ABCA5: variants seen among roughly 807,000 people sequenced by gnomAD.
ABCA5 encodes the protein cholesterol transporter ABCA5.
ABCA5 carries 163 observed loss-of-function variants against 206.0 expected under a neutral mutation model. The observed-to-expected ratio is 0.79, with a 90% CI of 0.70 to 0.90. The LOEUF (loss-of-function observed/expected upper bound fraction) is 0.90, where lower values mean the gene tolerates loss of function less well. Ranked by LOEUF, ABCA5 falls within the 40% of genes least tolerant of loss-of-function variation. The pLI is 0.00. For synonymous variants in ABCA5, 609 were observed against 613.8 expected, an observed-to-expected ratio of 0.99 and a Z score of 0.11; for missense variants, 1,859 against 1,912.9, an observed-to-expected ratio of 0.97 and a Z score of 0.53.
At chr17:69,315,142 T>C (rs1428344309) in intron 1 of ABCA5, 2 of 152,146 alleles carry the variant, frequency 1.3e-5, no homozygotes, top group Non-Finnish European at 2.9e-5. Flanking sequence ...AGGAAAGCAC[T>C]CTAAAAAGTT....
chr17:69,319,431 A>G (rs1453172844), intron 1 of ABCA5, among the ~76,000 whole-genome samples: 1 of 152,096 alleles, frequency 6.6e-6, no homozygotes, highest in African/African-American at 2.4e-5. Flanking sequence ...GGCCTTGTCT[A>G]AAAAACCTGC....
intron 2 of ABCA5, among the ~76,000 whole-genome samples, 182 bp from the exon 3 acceptor site, chr17:69,313,478 C>A (rs1241165893): frequency 3.3e-5 from 5 of 152,018 alleles, no homozygotes; most frequent in African/African-American, 1.2e-4. Context: ...TCCAACCCAA[C>A]ATGCATATTA....
chr17:69,270,776 T>G (rs1390209784), intron 21 of ABCA5, 26 bp from the exon 22 acceptor site: 1 of 1,515,868 alleles, frequency 6.6e-7, no homozygotes, highest in East Asian at 2.4e-5. Flanking sequence ...AGACACTTAT[T>G]ACATACTGTA....
At position 69,289,576 on chromosome 17, in the gene ABCA5, C is replaced by T. The variant is rs528466117; in HGVS notation, c.1783-280G>A. Among the ~76,000 whole-genome samples the T allele has an allele frequency of 1.1e-4, 16 of 152,098 alleles. 1 individual carries two copies. The South Asian group carries it at 3.3e-3, about 32-fold the overall frequency. On this transcript the variant is annotated intron_variant, in intron 13 of 38. Transcript: ENST00000392676. ...GTGGTAGGGAAGGAATAAGAGATCA[C>T]TGTGATGGCTCTTAATGTATGTGTG...
At chr17:69,284,905 CTG>C (rs2075433447) in intron 17 of ABCA5, among the ~76,000 whole-genome samples, 1 of 152,138 alleles carries the variant, frequency 6.6e-6, no homozygotes, top group African/African-American at 2.4e-5. Context: ...CCAGAAGACA[CTG>C]TGAAATCCAG....
chr17:69,267,318 A>G lies in ABCA5; in HGVS notation c.3144+625T>C, dbSNP rs77991318. On this transcript the variant is annotated intron_variant, in intron 23 of 38. Coordinates refer to ENST00000392676, the MANE Select transcript of ABCA5 (RefSeq NM_172232.4). ...ATTTTTATTAGAGCAGTAAGATATA[A>G]TCTCAGCAGAGTGAAAAAGTGGGAG... Among the ~76,000 whole-genome samples the G allele has an allele frequency of 1.5e-3, 227 of 152,324 alleles. 1 individual carries two copies. The highest frequency in any genetic ancestry group is 5.0e-3 in the Admixed American group (76 of 15,298).
chr17:69,306,683 C>T (rs752587548), intron 6 of ABCA5, 42 bp downstream of exon 6: 2 of 987,678 alleles, frequency 2.0e-6, no homozygotes, highest in Non-Finnish European at 2.7e-6. Context: ...ATATTTAATA[C>T]AATTTTTAAT....
At chr17:69,252,624 T>A (rs2075028832) in intron 34 of ABCA5, among the ~76,000 whole-genome samples, 3 of 151,990 alleles carry the variant, frequency 2.0e-5, no homozygotes, top group Admixed American at 2.0e-4. Context: ...TCACCTGAGG[T>A]CTGGAGTTCG....
At chr17:69,295,509 G>A (rs2075575867) in intron 10 of ABCA5, among the ~76,000 whole-genome samples, 1 of 152,122 alleles carries the variant, frequency 6.6e-6, no homozygotes, top group Admixed American at 6.5e-5. Context: ...GAACACACAA[G>A]CTCACCATAA....
Position 69,313,234 on chromosome 17 carries a change from AT to A in ABCA5, c.164del (p.Asn55IlefsTer10). The A allele has an allele frequency of 6.6e-7, 1 of 1,520,888 alleles. No homozygotes were observed. Among genetic ancestry groups the A allele is most frequent in the Non-Finnish European group, 9.1e-7 (1 of 1,097,762 alleles). 94.2% of individuals were successfully genotyped at this position (1,520,888 alleles called of 1,614,324 possible). ...TATTAGGCACTTCTTCATATTTCTT[AT>A]TTGGATGCATCATGCTAATTAATAT... is the stretch of plus-strand genomic sequence containing the variant. The part of the protein sequence containing the change: ...WLILISMMHP[N>X]KKYEEVPNIE... On this transcript the variant is annotated frameshift_variant, in exon 3 of 39. Transcript: ENST00000392676. LOFTEE classifies it high-confidence loss of function.
At chr17:69,249,738 C>T (rs1003530596) in intron 37 of ABCA5, 167 bp downstream of exon 37, 37 of 827,118 alleles carry the variant, frequency 4.5e-5, no homozygotes, top group East Asian at 5.8e-5. Context: ...TAAAATAAAC[C>T]GAGTCCCCAG....
chr17:69,286,148 C>T, intron 16 of ABCA5, 73 bp downstream of exon 16: 1 of 1,545,934 alleles, frequency 6.5e-7, no homozygotes, highest in Non-Finnish European at 8.8e-7. Flanking sequence ...AAGCATATAA[C>T]AGCAAGCCTC....
At position 69,297,280 on chromosome 17, in the gene ABCA5, C is replaced by A. The variant is rs138384289; in HGVS notation, c.1347G>T (p.Glu449Asp). 5.0e-6 allele frequency: 8 copies of A among 1,612,968 alleles called. No individual in the cohort carries two copies. The East Asian group carries it at 1.8e-4, about 36-fold the overall frequency. Residue 449 changes from glutamate (E) to aspartate (D), a missense_variant, in exon 10 of 39, where the codon GAG becomes GAT. Glu to Asp is a conservative substitution (Grantham distance 45, BLOSUM62 2). Transcript: ENST00000392676. ...YWSKSKRNYE[E>D]LSEGNVNGNI... ...TTCCATTAACATTGCCCTCTGATAACTCCTCATAATTTCTTTTGCTCTTTG... is the reference window on the plus strand; with the variant it reads ...TTCCATTAACATTGCCCTCTGATAAATCCTCATAATTTCTTTTGCTCTTTG...
In ABCA5 at chr17:69,246,987, G is replaced by A. The variant is rs2074958798; in HGVS notation, c.*550C>T. 1 of 151,952 alleles carries A rather than the reference G, an allele frequency of 6.6e-6. No homozygotes were observed. The highest frequency in any genetic ancestry group is 2.4e-5 in the African/African-American group (1 of 41,412). The allele number at this position is 151,952 out of a possible 1,614,324, so 9.4% of individuals were successfully genotyped here. On this transcript the variant is annotated 3_prime_UTR_variant, in exon 39 of 39. Transcript: ENST00000392676. ...TATGATCAATGACTGCCACCTAGTG[G>A]ATATAACTTTCCTCAAATCTCTATA...
chr17:69,289,075 G>T, intron 14 of ABCA5, 102 bp downstream of exon 14: 1 of 1,139,964 alleles, frequency 8.8e-7, no homozygotes, highest in South Asian at 2.0e-5. Flanking sequence ...AGCATTTTAT[G>T]TACACTTAAC....
Position 69,308,375 on chromosome 17 carries a change from G to C in ABCA5, c.470-7C>G, listed in dbSNP as rs1237586131. The stretch of plus-strand genomic sequence containing the variant: ...CATGATTTTGAACAGCCAGCTATGG[G>C]GGGAAGAATATGAGATCTAAGATTC... On this transcript the variant is annotated splice_polypyrimidine_tract_variant and splice_region_variant and intron_variant, in intron 4 of 38. Transcript: ENST00000392676. 1.2e-6 allele frequency: 2 copies of C among 1,601,058 alleles called. No homozygotes were observed. The highest frequency in any genetic ancestry group is 1.7e-6 in the Non-Finnish European group (2 of 1,169,192).
Position 69,274,128 on chromosome 17 carries a change from C to T in ABCA5, c.2595G>A (p.Val865=), listed in dbSNP as rs768216806. Residue 865 remains valine, a splice_region_variant and synonymous_variant, in exon 20 of 39, where the codon GTG becomes GTA. Transcript: ENST00000392676. The part of the protein sequence containing the change: ...LKRESKSVRS[V]LLLLLIFFTV... Reference sequence around the variant, plus strand: ...TGAAAAAAATTAAAAGCAGAAGCAACCTGAAAAGAAAAAAAAAACAACACA... The same window carrying T: ...TGAAAAAAATTAAAAGCAGAAGCAATCTGAAAAGAAAAAAAAAACAACACA... The T allele has an allele frequency of 6.4e-7, 1 of 1,561,482 alleles. No individual in the cohort carries two copies. The highest frequency in any genetic ancestry group is 8.6e-7 in the Non-Finnish European group (1 of 1,162,962).
At chr17:69,280,095 C>G (rs1160888766) in intron 18 of ABCA5, among the ~76,000 whole-genome samples, 3 of 152,014 alleles carry the variant, frequency 2.0e-5, no homozygotes, top group Non-Finnish European at 4.4e-5. Context: ...AGTGAACAGG[C>G]AACCTACAAA....
intron 22 of ABCA5, among the ~76,000 whole-genome samples, chr17:69,270,275 G>A (rs940817970): frequency 6.6e-6 from 1 of 151,928 alleles, no homozygotes; most frequent in African/African-American, 2.4e-5. Flanking sequence ...ATGGTTGCCT[G>A]GGTGACTTCT....
Sources: gnomAD v4.1 joint callset for allele counts (sites outside exome capture counted in the v4.1 genomes callset) on GRCh38, gnomAD v4.1.1 for gene constraint, MANE v1.5 for transcripts, NCBI Gene and HGNC (gene_info 2026-07-23, HGNC 2026-07-21) for gene names.